ORC5: variants seen among roughly 807,000 people sequenced by gnomAD.
ORC5 encodes origin recognition complex subunit 5.
A neutral mutation model predicts 58.8 loss-of-function variants in ORC5; 39 were observed. The observed-to-expected ratio is 0.66, with a 90% CI of 0.51 to 0.87. The LOEUF is 0.87. ORC5 is among the 40% of genes least tolerant of loss of function. The probability of loss-of-function intolerance (pLI) is 0.00; values close to 1 mark genes in which losing one functional copy is unlikely to be tolerated. For synonymous variants in ORC5, 218 were observed against 177.6 expected (o/e 1.23, Z -1.81); for missense variants, 493 against 506.3 (o/e 0.97, Z 0.25).
chr7:104,165,318 A>T, intron 10 of ORC5, 36 bp from the exon 11 acceptor site: 4 of 1,188,656 alleles, frequency 3.4e-6, no homozygotes, highest in Non-Finnish European at 4.9e-6. Context: ...AGTTGAAAAG[A>T]CAGTATTCCA....
At chr7:104,182,012 G>A (rs981038363) in intron 8 of ORC5, among the ~76,000 whole-genome samples, 10 of 152,142 alleles carry the variant, frequency 6.6e-5, no homozygotes, top group Non-Finnish European at 1.5e-4. Flanking sequence ...TAATGTACCT[G>A]TTATTAGTTT....
At chr7:104,162,854 T>C (rs1278802553) in intron 11 of ORC5, among the ~76,000 whole-genome samples, 6 of 152,198 alleles carry the variant, frequency 3.9e-5, no homozygotes, top group Non-Finnish European at 8.8e-5. Flanking sequence ...ATCTAGAATT[T>C]GATGTACTCT....
intron 12 of ORC5, among the ~76,000 whole-genome samples, chr7:104,147,107 T>TA (rs550497128): frequency 8.3e-4 from 126 of 152,274 alleles, no homozygotes; most frequent in African/African-American, 2.8e-3. Context: ...GCTATGAAGC[T>TA]AAAAAAATCT....
chr7:104,161,761 TCA>T (rs1234684292), intron 11 of ORC5, among the ~76,000 whole-genome samples: 3 of 152,206 alleles, frequency 2.0e-5, no homozygotes, highest in Admixed American at 2.0e-4. Flanking sequence ...ATTAAAGAAC[TCA>T]CAGTCATCCG....
At chr7:104,203,740 T>C (rs970444614) in intron 2 of ORC5, among the ~76,000 whole-genome samples, 1 of 152,206 alleles carries the variant, frequency 6.6e-6, no homozygotes, top group African/African-American at 2.4e-5. Flanking sequence ...ACTTGAACAC[T>C]GTCCTGAAAA....
chr7:104,184,221 A>G, intron 6 of ORC5, 50 bp from the exon 7 acceptor site: 1 of 1,153,352 alleles, frequency 8.7e-7, no homozygotes, highest in Non-Finnish European at 1.2e-6. Context: ...GATCGATCAC[A>G]ATTAGAAATT....
At chr7:104,176,144 G>C (rs980531755) in intron 8 of ORC5, among the ~76,000 whole-genome samples, 1 of 152,174 alleles carries the variant, frequency 6.6e-6, no homozygotes, top group Non-Finnish European at 1.5e-5. Context: ...GTGTGTATAT[G>C]TGTTTGTGTT....
intron 5 of ORC5, among the ~76,000 whole-genome samples, 170 bp from the exon 6 acceptor site, chr7:104,188,551 T>TA (rs1278651569): frequency 2.0e-5 from 3 of 152,026 alleles, no homozygotes; most frequent in African/African-American, 7.2e-5. Flanking sequence ...TGTGATATAA[T>TA]AAAAAATATA....
chr7:104,153,626 A>C (rs1438179524), intron 12 of ORC5, among the ~76,000 whole-genome samples: 1 of 152,220 alleles, frequency 6.6e-6, no homozygotes, highest in Non-Finnish European at 1.5e-5. Flanking sequence ...GAATGCTGGC[A>C]CAGGACAAAT....
At chr7:104,172,003 C>G (rs1325991294) in intron 8 of ORC5, among the ~76,000 whole-genome samples, 1 of 152,206 alleles carries the variant, frequency 6.6e-6, no homozygotes, top group Non-Finnish European at 1.5e-5. Context: ...TTCACCACTA[C>G]TAGTCAACGT....
intron 11 of ORC5, among the ~76,000 whole-genome samples, chr7:104,162,163 T>G (rs1799035832): frequency 6.6e-6 from 1 of 152,186 alleles, no homozygotes; most frequent in African/African-American, 2.4e-5. Flanking sequence ...ATAATTTTAA[T>G]AGCCAATAAA....
intron 8 of ORC5, among the ~76,000 whole-genome samples, chr7:104,169,044 T>C (rs1032409884): frequency 1.3e-5 from 2 of 152,168 alleles, no homozygotes; most frequent in Non-Finnish European, 2.9e-5. Flanking sequence ...ATTGTGCCAC[T>C]GCACTCCAGC....
chr7:104,161,658 G>A (rs976177076), intron 11 of ORC5, among the ~76,000 whole-genome samples: 16 of 151,510 alleles, frequency 1.1e-4, no homozygotes, highest in Admixed American at 2.6e-4. Flanking sequence ...ACAGGCATGA[G>A]CCACCATACC....
chr7:104,166,704 T>G (rs1799112708), intron 10 of ORC5, 68 bp downstream of exon 10: 1 of 842,168 alleles, frequency 1.2e-6, no homozygotes, highest in Admixed American at 2.1e-5. Context: ...AATTTACAAG[T>G]GTTAAGAAAT....
At position 104,126,783 on chromosome 7, in the gene ORC5, TA is replaced by T; in HGVS notation, c.*64del. The T allele has an allele frequency of 8.1e-7, 1 of 1,233,806 alleles. No individual in the cohort carries two copies. 76.4% of individuals were successfully genotyped at this position (1,233,806 alleles called of 1,614,324 possible). ...GAACTCCTCTCCTTGGCCAGCTAAG[TA>T]GCTGGATGAACACAGCTTGGCTTAG... On this transcript the variant is annotated 3_prime_UTR_variant, in exon 14 of 14. Transcript: ENST00000297431.
intron 3 of ORC5, among the ~76,000 whole-genome samples, chr7:104,198,904 A>G (rs1799864176): frequency 6.6e-6 from 1 of 152,230 alleles, no homozygotes. Flanking sequence ...GGTGTCCTGC[A>G]TCCCCACTCA....
chr7:104,134,829 A>C (rs1798564500), intron 13 of ORC5, among the ~76,000 whole-genome samples: 1 of 152,216 alleles, frequency 6.6e-6, no homozygotes, highest in Non-Finnish European at 1.5e-5. Flanking sequence ...TAAAGTCAGC[A>C]GAAAAGAAGT....
chr7:104,142,065 A>C (rs962759005), intron 12 of ORC5, among the ~76,000 whole-genome samples: 5 of 152,326 alleles, frequency 3.3e-5, no homozygotes, highest in Admixed American at 2.6e-4. Context: ...CACAGAACAG[A>C]AAGTCCAGAA....
chr7:104,170,413 TAG>T (rs1562816447), intron 8 of ORC5, among the ~76,000 whole-genome samples: 1 of 152,072 alleles, frequency 6.6e-6, no homozygotes, highest in Non-Finnish European at 1.5e-5. Context: ...ATAGGCCCAA[TAG>T]AGTCAGAAGG....
Sources: allele counts gnomAD v4.1 joint callset (sites outside exome capture counted in the v4.1 genomes callset), GRCh38; gene constraint gnomAD v4.1.1; transcripts MANE v1.5; gene names NCBI Gene and HGNC (gene_info 2026-07-23, HGNC 2026-07-21).